The following RAB37 variants were observed in gnomAD, a reference collection of about 807,000 sequenced individuals.
RAB37 encodes the protein RAB37, member RAS oncogene family.
In RAB37, 29 loss-of-function variants were observed where a neutral mutation model predicts 33.1. The observed-to-expected ratio is 0.88, with a 90% CI of 0.65 to 1.20. The LOEUF is 1.20. Among genes scored for constraint, RAB37 ranks in the 50% most tolerant of loss-of-function variants. RAB37 has a pLI of 0.00. For synonymous variants in RAB37, 128 were observed against 119.5 expected (o/e 1.07, Z -0.47); for missense variants, 299 against 301.1 (o/e 0.99, Z 0.05).
At chr17:74,735,345 G>C (rs1001096897), upstream of RAB37, among the ~76,000 whole-genome samples, 2 of 152,162 alleles carry the variant, frequency 1.3e-5, no homozygotes, top group Non-Finnish European at 2.9e-5. Context: ...TTCCAAACCA[G>C]CCTGTCCAAC....
intron 1 of RAB37, among the ~76,000 whole-genome samples, chr17:74,714,990 T>A (rs573882911): frequency 6.6e-6 from 1 of 152,122 alleles, no homozygotes; most frequent in African/African-American, 2.4e-5. Flanking sequence ...GGTGTGGTGG[T>A]GGGTGCTTAT....
intron 1 of RAB37, among the ~76,000 whole-genome samples, chr17:74,682,688 C>A (rs555548391): frequency 5.3e-5 from 8 of 152,116 alleles, no homozygotes; most frequent in African/African-American, 1.9e-4. Flanking sequence ...GTGGATCACC[C>A]GAGGTCGGGA....
At position 74,740,822 on chromosome 17, in the gene RAB37, A is replaced by T. The variant is rs2034595230; in HGVS notation, c.148A>T (p.Lys50Ter). Reference sequence around the variant, plus strand: ...CAAAACATGTTTCCTGATCCAATTCAAAGACGGGGCCTTCCTGTCCGGAAC... The same window carrying T: ...CAAAACATGTTTCCTGATCCAATTCTAAGACGGGGCCTTCCTGTCCGGAAC... ...VGKTCFLIQF[K>*]DGAFLSGTFI... Residue 50 changes from lysine (K) to a stop codon, truncating the protein, a stop_gained, in exon 2 of 9, where the codon AAA becomes TAA. Coordinates refer to ENST00000392613, the MANE Select transcript of RAB37 (RefSeq NM_001006638.3). LOFTEE classifies it high-confidence loss of function. The T allele has an allele frequency of 1.2e-6, 2 of 1,614,132 alleles. No individual in the cohort carries two copies. The highest frequency in any genetic ancestry group is 2.7e-5 in the African/African-American group (2 of 75,036).
chr17:74,673,669 T>C (rs2031756980), intron 1 of RAB37, among the ~76,000 whole-genome samples: 1 of 152,112 alleles, frequency 6.6e-6, no homozygotes, highest in African/African-American at 2.4e-5. Flanking sequence ...TTTGAGTTTA[T>C]TGATCACCAA....
intron 1 of RAB37, among the ~76,000 whole-genome samples, chr17:74,697,210 C>T (rs776758042): frequency 6.6e-5 from 10 of 152,096 alleles, no homozygotes; most frequent in Non-Finnish European, 7.4e-5. Context: ...TCCCTAAGTG[C>T]GGAGATTATA....
rs756616299 is a variant in RAB37 at position 74,742,194 on chromosome 17, T to G, written c.205-60T>G. 63 of 1,595,196 alleles carry G rather than the reference T, an allele frequency of 3.9e-5. No homozygotes were observed. The highest frequency in any genetic ancestry group is 5.4e-5 in the Non-Finnish European group (63 of 1,170,118). On this transcript the variant is annotated intron_variant, in intron 2 of 8. Coordinates refer to ENST00000392613, the MANE Select transcript of RAB37 (RefSeq NM_001006638.3). This position sits in a 1 kb window ranked among gnomAD's most constrained non-coding sequence, Gnocchi z 4.0. ...TGGAGAGGGAACAAGACAGGACGTC[T>G]GCAGAGCTGAGGAGCCACATGACTC... is the stretch of plus-strand genomic sequence containing the variant.
chr17:74,685,650 C>T (rs527558691), intron 1 of RAB37, among the ~76,000 whole-genome samples: 128 of 152,240 alleles, frequency 8.4e-4, no homozygotes, highest in Non-Finnish European at 5.9e-5. Context: ...CAACTCCAGA[C>T]CCTAACTCTT....
chr17:74,673,791 G>GC (rs1367715022), intron 1 of RAB37, among the ~76,000 whole-genome samples: 1 of 152,158 alleles, frequency 6.6e-6, no homozygotes, highest in Non-Finnish European at 1.5e-5. Flanking sequence ...CACCCTGAGA[G>GC]CAGGAGCCAG....
chr17:74,695,112 G>T (rs893817560), intron 1 of RAB37: 1 of 1,613,920 alleles, frequency 6.2e-7, no homozygotes, highest in South Asian at 1.1e-5. Context: ...CCTGCTGATG[G>T]TGCTGTATTC....
intron 1 of RAB37, among the ~76,000 whole-genome samples, chr17:74,697,445 G>T (rs1247380902): frequency 6.6e-6 from 1 of 152,144 alleles, no homozygotes; most frequent in Non-Finnish European, 1.5e-5. Context: ...CAATACATTT[G>T]GGAGAAAAAG....
chr17:74,680,050 C>T (rs757693688), intron 1 of RAB37, among the ~76,000 whole-genome samples: 5 of 151,616 alleles, frequency 3.3e-5, no homozygotes, highest in African/African-American at 9.7e-5. Flanking sequence ...ATTGTGGAAG[C>T]CTGAATCATT....
At chr17:74,705,024 TC>T (rs776451700) in intron 1 of RAB37, among the ~76,000 whole-genome samples, 4 of 151,958 alleles carry the variant, frequency 2.6e-5, no homozygotes, top group Non-Finnish European at 5.9e-5. Flanking sequence ...CAACAACGGA[TC>T]CCCCCAAAAA....
rs184710203 is a variant in RAB37, at chr17:74,726,104, G to A, written c.73-3152G>A. 9.0e-4 allele frequency among the ~76,000 whole-genome samples: 136 copies of A among 151,886 alleles called. 2 individuals are homozygous for A. The East Asian group carries it at 0.021, about 23-fold the overall frequency. On this transcript the variant is annotated intron_variant, in intron 1 of 7. Transcript: ENST00000340415. ...ACAAAAATTAGCCAGGTGTGGTGGC[G>A]GGCGCCTGTAGTCCCAGCTACTTGG...
At chr17:74,728,601 GTA>G (rs1015188238) in intron 1 of RAB37, among the ~76,000 whole-genome samples, 88 of 151,040 alleles carry the variant, frequency 5.8e-4, no homozygotes, top group African/African-American at 1.9e-3. Context: ...TTGTATGTGT[GTA>G]TGTTTATGTG....
chr17:74,737,479 AG>A, intron 1 of RAB37, 114 bp downstream of exon 1: 2 of 1,192,916 alleles, frequency 1.7e-6, no homozygotes, highest in South Asian at 3.0e-5. Flanking sequence ...CAGAGGAGGG[AG>A]GGAGAGAGGG....
chr17:74,734,803 C>G (rs1174387597), upstream of RAB37, among the ~76,000 whole-genome samples: 1 of 150,974 alleles, frequency 6.6e-6, no homozygotes, highest in Non-Finnish European at 1.5e-5. Flanking sequence ...GAGCCAAGAT[C>G]GTGCCACTTA....
intron 1 of RAB37, among the ~76,000 whole-genome samples, chr17:74,679,847 G>A (rs4788847): frequency 0.19 from 29,048 of 151,398 alleles, 2,882 homozygotes; most frequent in East Asian, 0.29. Flanking sequence ...GTGTGGTGGC[G>A]GGCACCTGTA....
intron 1 of RAB37, chr17:74,694,313 T>C (rs894193812): frequency 1.3e-5 from 2 of 152,220 alleles, no homozygotes; most frequent in African/African-American, 4.8e-5. Context: ...ACCAATTTCG[T>C]GGCTCATTAA....
rs117809072 is a variant in RAB37, at chr17:74,729,209, A to C, written c.73-47A>C. On this transcript the variant is annotated intron_variant, in intron 1 of 7. Transcript: ENST00000340415. This position sits in a 1 kb window ranked among gnomAD's most constrained non-coding sequence, Gnocchi z 4.2. ...CAGCCACAAGGACACCTCTGAGGCC[A>C]ACTCACATCACAGGCCCTCAGCTCT... 19,701 of 1,424,230 alleles carry C rather than the reference A, an allele frequency of 0.014. 188 individuals are homozygous for C. Among genetic ancestry groups the C allele is most frequent in the Non-Finnish European group, 0.016 (15,957 of 1,006,686 alleles). 88.2% of individuals were successfully genotyped at this position (1,424,230 alleles called of 1,614,324 possible).
Sources: allele counts gnomAD v4.1 joint callset (sites outside exome capture counted in the v4.1 genomes callset), GRCh38; gene constraint gnomAD v4.1.1; non-coding constraint Gnocchi (gnomAD v3.1); transcripts MANE v1.5; gene names NCBI Gene and HGNC (gene_info 2026-07-23, HGNC 2026-07-21).